The following CLTCL1 variants were observed in gnomAD, a reference collection of about 807,000 sequenced individuals.
CLTCL1 encodes the protein clathrin heavy chain like 1, also known as clathrin heavy chain 2.
CLTCL1 carries 159 observed loss-of-function variants against 190.0 expected under a neutral mutation model. The ratio of observed to expected loss-of-function variants is 0.84; its 90% CI spans 0.74 to 0.95. The LOEUF (loss-of-function observed/expected upper bound fraction) is 0.95. Ranked by LOEUF, CLTCL1 falls within the 40% of genes least tolerant of loss-of-function variation. CLTCL1 has a pLI of 0.00. For missense variants in CLTCL1, 1,878 were observed against 2,033.4 expected, an observed-to-expected ratio of 0.92 and a Z score of 1.47; for synonymous variants, 752 against 769.6, an observed-to-expected ratio of 0.98 and a Z score of 0.38.
intron 13 of CLTCL1, among the ~76,000 whole-genome samples, chr22:19,224,591 C>T (rs1031947788): frequency 1.3e-5 from 2 of 152,154 alleles, no homozygotes; most frequent in Non-Finnish European, 2.9e-5. Flanking sequence ...CAACAGGGTA[C>T]GACACATCTG....
intron 27 of CLTCL1, among the ~76,000 whole-genome samples, chr22:19,190,722 T>C (rs555510135): frequency 2.6e-5 from 4 of 151,922 alleles, no homozygotes; most frequent in African/African-American, 4.8e-5. Context: ...GCACATGCTG[T>C]TGGAAAAATG....
chr22:19,230,189 C>T (rs2085877830), intron 10 of CLTCL1, among the ~76,000 whole-genome samples: 1 of 151,508 alleles, frequency 6.6e-6, no homozygotes, highest in Non-Finnish European at 1.5e-5. Flanking sequence ...CTCTGCCCTC[C>T]ACCTCCTGGG....
At chr22:19,253,013 CAA>C (rs36070702) in intron 3 of CLTCL1, among the ~76,000 whole-genome samples, 335 of 61,912 alleles carry the variant, frequency 5.4e-3, no homozygotes, top group Non-Finnish European at 7.7e-3. Flanking sequence ...GACTCCGTCT[CAA>C]AAAAAAAAAA....
rs2084492626 is a variant in CLTCL1, at chr22:19,191,243, CA to C, written c.4323+60del. The C allele has an allele frequency of 6.9e-6, 11 of 1,597,922 alleles. No homozygotes were observed. The East Asian group carries it at 2.2e-4, about 32-fold the overall frequency. ...AACTCTTTATAAAGGTGCTATCATTCAGATGACTTTGTTAGAGCTAGCCCAA... is the reference window on the plus strand; with the variant it reads ...AACTCTTTATAAAGGTGCTATCATTCGATGACTTTGTTAGAGCTAGCCCAA... On this transcript the variant is annotated intron_variant, in intron 27 of 32. Transcript: ENST00000427926.
chr22:19,248,165 G>A (rs1202051991), intron 3 of CLTCL1, among the ~76,000 whole-genome samples: 14 of 151,886 alleles, frequency 9.2e-5, no homozygotes, highest in Admixed American at 8.5e-4. Flanking sequence ...GTGTGGTGGT[G>A]CATGCCTGTA....
intron 27 of CLTCL1, among the ~76,000 whole-genome samples, chr22:19,190,928 C>A (rs1177240218): frequency 6.6e-6 from 1 of 152,092 alleles, no homozygotes; most frequent in Non-Finnish European, 1.5e-5. Context: ...CAGGTGCCCA[C>A]CACCACGCCC....
chr22:19,191,189 T>A (rs2084490583), intron 27 of CLTCL1, 115 bp downstream of exon 27: 2 of 1,254,432 alleles, frequency 1.6e-6, no homozygotes, highest in Admixed American at 4.4e-5. Flanking sequence ...CACTGGTGAA[T>A]CTTCAAGTCA....
chr22:19,210,649 C>A (rs2085191610), intron 19 of CLTCL1, 140 bp from the exon 20 acceptor site: 1 of 627,086 alleles, frequency 1.6e-6, no homozygotes, highest in African/African-American at 1.8e-5. Flanking sequence ...TAAGTAAATA[C>A]AACAGAGTAT....
intron 18 of CLTCL1, among the ~76,000 whole-genome samples, chr22:19,217,865 AAAAG>A (rs1184512608): frequency 7.9e-5 from 12 of 151,808 alleles, no homozygotes; most frequent in Non-Finnish European, 1.2e-4. Context: ...AAAAAAAAAA[AAAAG>A]AAAGAAAGAA....
At chr22:19,251,073 C>T (rs1414255074) in intron 3 of CLTCL1, among the ~76,000 whole-genome samples, 1 of 152,072 alleles carries the variant, frequency 6.6e-6, no homozygotes, top group Admixed American at 6.6e-5. Context: ...GGAGTACTTC[C>T]ATCCTAAAAG....
chr22:19,224,338 G>A (rs541157631), intron 13 of CLTCL1, among the ~76,000 whole-genome samples: 4 of 152,136 alleles, frequency 2.6e-5, no homozygotes, highest in South Asian at 4.1e-4. Flanking sequence ...CTAGATAGTC[G>A]TCATCAAGAG....
intron 21 of CLTCL1, 127 bp downstream of exon 21, chr22:19,208,795 A>T (rs782631058): frequency 1.3e-6 from 1 of 755,788 alleles, no homozygotes; most frequent in Non-Finnish European, 2.1e-6. Context: ...ACTTTCATGT[A>T]GATGTGCCCT....
intron 29 of CLTCL1, chr22:19,184,667 T>A (rs1044646340): frequency 7.0e-6 from 3 of 429,648 alleles, no homozygotes; most frequent in South Asian, 4.9e-5. Flanking sequence ...CTACCCTTGC[T>A]GACTTGTCTT....
chr22:19,224,348 G>T (rs1555954540), intron 13 of CLTCL1, among the ~76,000 whole-genome samples: 1 of 152,100 alleles, frequency 6.6e-6, no homozygotes, highest in Admixed American at 6.6e-5. Flanking sequence ...GTCATCAAGA[G>T]TAATTCCCAC....
chr22:19,183,267 G>T, intron 30 of CLTCL1, 123 bp downstream of exon 30: 1 of 775,824 alleles, frequency 1.3e-6, no homozygotes, highest in Non-Finnish European at 2.1e-6. Flanking sequence ...GGCAGCCAGG[G>T]CTGGCTGGGG....
intron 2 of CLTCL1, among the ~76,000 whole-genome samples, chr22:19,261,815 G>A (rs1555975729): frequency 6.6e-6 from 1 of 152,172 alleles, no homozygotes; most frequent in African/African-American, 2.4e-5. Flanking sequence ...TGTGAACACT[G>A]TTGAAATTAC....
chr22:19,248,327 A>G (rs1555968736), intron 3 of CLTCL1, among the ~76,000 whole-genome samples: 1 of 151,958 alleles, frequency 6.6e-6, no homozygotes, highest in East Asian at 1.9e-4. Context: ...TTTTTTTGCA[A>G]TTTTTGTTTT....
chr22:19,221,634 T>C (rs1555952482), intron 16 of CLTCL1, 23 bp from the exon 17 acceptor site: 1 of 1,549,474 alleles, frequency 6.5e-7, no homozygotes, highest in South Asian at 1.2e-5. Flanking sequence ...GAAGGTGCTG[T>C]AAAGTCTCAA....
intron 6 of CLTCL1, 84 bp from the exon 7 acceptor site, chr22:19,234,790 G>T: frequency 1.7e-6 from 2 of 1,203,300 alleles, no homozygotes; most frequent in Non-Finnish European, 2.4e-6. Flanking sequence ...CGATGCTGGA[G>T]TGGTAGCCAC....
Sources: allele counts gnomAD v4.1 joint callset (sites outside exome capture counted in the v4.1 genomes callset), GRCh38; gene constraint gnomAD v4.1.1; transcripts MANE v1.5; gene names NCBI Gene and HGNC (gene_info 2026-07-23, HGNC 2026-07-21).